Variants in CCDC33 observed in about 807,000 individuals in gnomAD.
CCDC33 encodes the protein coiled-coil domain containing 33.
Under a neutral mutation model 91.9 loss-of-function variants are expected in CCDC33, and 94 were observed. The observed-to-expected ratio is 1.02, with a 90% CI of 0.87 to 1.21. CCDC33 has a LOEUF of 1.21. Among genes scored for constraint, CCDC33 ranks in the 50% most tolerant of loss-of-function variants. CCDC33 has a pLI of 0.00. For synonymous variants in CCDC33, 396 were observed against 374.5 expected (o/e 1.06, Z -0.66); for missense variants, 940 against 935.5 (o/e 1.00, Z -0.06).
rs781286010 is a variant in CCDC33, at chr15:74,218,862, G to A, written c.675+1G>A. Reference sequence around the variant, plus strand: ...AGAGCCCCAGCTCCCCATACTGCAGGTGGGTGCTTCCCTGGTCCCAGTTCA... The same window carrying A: ...AGAGCCCCAGCTCCCCATACTGCAGATGGGTGCTTCCCTGGTCCCAGTTCA... On this transcript the variant is annotated splice_donor_variant, in intron 2 of 2. Transcript: ENST00000635913. LOFTEE classifies it high-confidence loss of function. This position sits in a 1 kb window ranked among gnomAD's most constrained non-coding sequence, Gnocchi z 4.8. 1.6e-6 allele frequency: 2 copies of A among 1,225,834 alleles called. No individual in the cohort carries two copies. The highest frequency in any genetic ancestry group is 2.1e-6 in the Non-Finnish European group (2 of 958,126). 75.9% of individuals were successfully genotyped at this position (1,225,834 alleles called of 1,614,324 possible).
intron 11 of CCDC33, among the ~76,000 whole-genome samples, chr15:74,324,213 A>C (rs550267058): frequency 1.3e-5 from 2 of 151,038 alleles, no homozygotes; most frequent in Non-Finnish European, 2.9e-5. Flanking sequence ...TTTTACCTTC[A>C]TGGAGAGGGC....
In CCDC33 at chr15:74,294,710, G is replaced by A. The variant is rs186762796; in HGVS notation, c.1096-1044G>A. On this transcript the variant is annotated intron_variant, in intron 10 of 18. Coordinates refer to ENST00000398814, the MANE Select transcript of CCDC33 (RefSeq NM_025055.5). Reference sequence around the variant, plus strand: ...TGCAGTGAGCCGATATCATGGCACTGCACTCCAGCCCGGGCAAGAGAGCAA... The same window carrying A: ...TGCAGTGAGCCGATATCATGGCACTACACTCCAGCCCGGGCAAGAGAGCAA... Among the ~76,000 whole-genome samples, 587 of 147,526 alleles carry A rather than the reference G, an allele frequency of 4.0e-3. 3 individuals are homozygous for A. Among genetic ancestry groups the A allele is most frequent in the Non-Finnish European group, 6.7e-3 (454 of 67,442 alleles).
upstream of CCDC33, among the ~76,000 whole-genome samples, chr15:74,235,229 CA>C: frequency 6.6e-6 from 1 of 152,350 alleles, no homozygotes; most frequent in Non-Finnish European, 1.5e-5. Flanking sequence ...TACCATCCCC[CA>C]CCAGTGTCTG....
intron 2 of CCDC33, among the ~76,000 whole-genome samples, chr15:74,254,999 C>T (rs1400081915): frequency 2.0e-5 from 3 of 152,004 alleles, no homozygotes; most frequent in Admixed American, 6.6e-5. Context: ...CCACCTGCCT[C>T]GGCCTCCCAA....
chr15:74,318,578 C>T (rs1043851632), intron 11 of CCDC33: 1 of 727,144 alleles, frequency 1.4e-6, no homozygotes, highest in Non-Finnish European at 2.5e-6. Context: ...AACAGGACTG[C>T]TAGCAGTAAA....
intron 7 of CCDC33, among the ~76,000 whole-genome samples, chr15:74,275,099 A>C (rs1019101639): frequency 6.6e-6 from 1 of 152,016 alleles, no homozygotes; most frequent in Non-Finnish European, 1.5e-5. Context: ...TCATCTCTAC[A>C]CTTGAGGGGG....
intron 3 of CCDC33, among the ~76,000 whole-genome samples, chr15:74,265,759 C>T (rs748712757): frequency 7.9e-5 from 12 of 152,232 alleles, no homozygotes; most frequent in Non-Finnish European, 1.3e-4. Flanking sequence ...TGCGGTGGCC[C>T]ATGCCTGTAA....
intron 2 of CCDC33, among the ~76,000 whole-genome samples, chr15:74,224,711 C>T (rs908582893): frequency 6.6e-6 from 1 of 152,196 alleles, no homozygotes; most frequent in African/African-American, 2.4e-5. Flanking sequence ...AATTTCTGTG[C>T]CCTTTATTGC....
At chr15:74,246,951 C>G in intron 2 of CCDC33, among the ~76,000 whole-genome samples, 1 of 151,382 alleles carries the variant, frequency 6.6e-6, no homozygotes, top group Non-Finnish European at 1.5e-5. Context: ...TCAAGACCAC[C>G]CTGGCCAATA....
intron 15 of CCDC33, among the ~76,000 whole-genome samples, chr15:74,332,106 A>G (rs1185295075): frequency 8.5e-5 from 13 of 152,168 alleles, no homozygotes; most frequent in Admixed American, 2.6e-4. Context: ...AAAACTGCCA[A>G]TCAGCCTCTG....
In CCDC33 at chr15:74,293,296, C is replaced by T. The variant is rs114975760; in HGVS notation, c.1096-2458C>T. On this transcript the variant is annotated intron_variant, in intron 10 of 18. Coordinates refer to ENST00000398814, the MANE Select transcript of CCDC33 (RefSeq NM_025055.5). ...TCTGCCTGGAAATGAGCAGAAATGT[C>T]ATTATAGGTCCTGAATCAGCATCTC... Among the ~76,000 whole-genome samples, 1,027 of 152,262 alleles carry T rather than the reference C, an allele frequency of 6.7e-3. 15 individuals carry two copies. Among genetic ancestry groups the T allele is most frequent in the African/African-American group, 0.024 (981 of 41,532 alleles).
At chr15:74,323,710 G>A (rs2060250761) in intron 11 of CCDC33, among the ~76,000 whole-genome samples, 1 of 151,860 alleles carries the variant, frequency 6.6e-6, no homozygotes, top group South Asian at 2.1e-4. Context: ...GGGCTTTTGT[G>A]TAGAAATGGG....
intron 16 of CCDC33, chr15:74,333,280 T>A (rs1166396042): frequency 6.2e-7 from 1 of 1,601,388 alleles, no homozygotes; most frequent in Non-Finnish European, 8.5e-7. Context: ...AAGAGACGCA[T>A]GGCCCAGGCC....
chr15:74,306,853 G>T (rs1002580219), intron 11 of CCDC33, among the ~76,000 whole-genome samples: 2 of 152,204 alleles, frequency 1.3e-5, no homozygotes, highest in African/African-American at 4.8e-5. Flanking sequence ...CCGAGAGAGG[G>T]TTGGGCAGGA....
chr15:74,299,527 C>T (rs1174323450), intron 11 of CCDC33: 1 of 152,276 alleles, frequency 6.6e-6, no homozygotes, highest in African/African-American at 2.4e-5. Context: ...CTGATCCTCT[C>T]ATTTTACAAA....
chr15:74,262,547 T>A lies in CCDC33; in HGVS notation c.293T>A (p.Ile98Asn). 6.2e-7 allele frequency: 1 copy of A among 1,613,482 alleles called. No individual in the cohort carries two copies. Among genetic ancestry groups the A allele is most frequent in the Non-Finnish European group, 8.5e-7 (1 of 1,179,816 alleles). ...TGGGGGGACACGGTGAATGTGGAGA[T>A]CCAAGCTGAGGATGCAGGGCAAGAA... ...PIWGDTVNVE[I>N]QAEDAGQEDV... is the part of the protein sequence containing the mutation. Residue 98 changes from isoleucine to asparagine, a missense_variant, in exon 3 of 19, where the codon ATC (isoleucine) becomes AAC (asparagine). Coordinates refer to ENST00000398814, the MANE Select transcript of CCDC33 (RefSeq NM_025055.5).
At chr15:74,309,001 G>A (rs1488365633) in intron 11 of CCDC33, among the ~76,000 whole-genome samples, 5 of 152,206 alleles carry the variant, frequency 3.3e-5, no homozygotes, top group Admixed American at 1.3e-4. Context: ...CCTGTGGAGG[G>A]CCAGTGGGCT....
At chr15:74,292,064 C>G (rs1318242888) in intron 10 of CCDC33, among the ~76,000 whole-genome samples, 2 of 152,242 alleles carry the variant, frequency 1.3e-5, no homozygotes. Flanking sequence ...GCTGCAGCCA[C>G]GAAGCCATGG....
intron 1 of CCDC33, among the ~76,000 whole-genome samples, chr15:74,204,081 C>T (rs1009472900): frequency 4.6e-5 from 7 of 152,210 alleles, no homozygotes; most frequent in Non-Finnish European, 2.9e-5. Flanking sequence ...CCCAAATGGC[C>T]CTTCTTGCAG....
Sources: allele counts gnomAD v4.1 joint callset (sites outside exome capture counted in the v4.1 genomes callset), GRCh38; gene constraint gnomAD v4.1.1; non-coding constraint Gnocchi (gnomAD v3.1); transcripts MANE v1.5; gene names NCBI Gene and HGNC (gene_info 2026-07-23, HGNC 2026-07-21).